Variants in DCC observed in about 807,000 individuals in gnomAD.
The protein encoded by DCC is DCC netrin 1 receptor.
In DCC, 58 loss-of-function variants were observed where a neutral mutation model predicts 172.5. The ratio of observed to expected loss-of-function variants is 0.34; its 90% CI spans 0.27 to 0.42. DCC has a LOEUF of 0.42. Among genes scored for constraint, DCC ranks in the 10% least tolerant of loss-of-function variants. The pLI is 1.00. For synonymous variants in DCC, 709 were observed against 644.5 expected, an observed-to-expected ratio of 1.10 and a Z score of -1.52; for missense variants, 1,740 against 1,791.0, an observed-to-expected ratio of 0.97 and a Z score of 0.51.
rs74754183 is a variant in DCC at position 52,432,455 on chromosome 18, T to A, written c.91+91577T>A. ...AGGAATGTCCCTCCTGCTTCTCACA[T>A]CTAATTTTTGCCTAAGCACCCTCTG... On this transcript the variant is annotated intron_variant, in intron 1 of 28. Coordinates refer to ENST00000442544, the MANE Select transcript of DCC (RefSeq NM_005215.4). 6.1e-4 allele frequency among the ~76,000 whole-genome samples: 93 copies of A among 152,298 alleles called. 3 individuals are homozygous for A. The East Asian group carries it at 0.016, about 27-fold the overall frequency.
intron 10 of DCC, among the ~76,000 whole-genome samples, chr18:53,207,112 A>G (rs2055664454): frequency 6.6e-6 from 1 of 152,168 alleles, no homozygotes; most frequent in Admixed American, 6.6e-5. Context: ...AACCATCATC[A>G]TCCAAGATAG....
Position 53,471,790 on chromosome 18 carries a change from T to C in DCC, c.3736+3780T>C, listed in dbSNP as rs138919532. Among the ~76,000 whole-genome samples the C allele has an allele frequency of 2.0e-5, 3 of 152,288 alleles. No individual in the cohort carries two copies. The East Asian group carries it at 5.8e-4, about 29-fold the overall frequency. On this transcript the variant is annotated intron_variant, in intron 25 of 28. Transcript: ENST00000442544. ...TTCAACTACCACCTTTATAAGCAGG[T>C]CTTCCCTGACCATTGCCTAACACAG...
intron 2 of DCC, among the ~76,000 whole-genome samples, chr18:52,880,328 A>G (rs1447391522): frequency 3.3e-5 from 5 of 152,072 alleles, no homozygotes; most frequent in Admixed American, 2.6e-4. Flanking sequence ...GTGTATTTTT[A>G]GTAGAGATGT....
chr18:52,567,680 A>G (rs2033191200), intron 1 of DCC, among the ~76,000 whole-genome samples: 1 of 152,152 alleles, frequency 6.6e-6, no homozygotes, highest in Non-Finnish European at 1.5e-5. Flanking sequence ...TGAAAGGAGG[A>G]TGAGTGATGA....
intron 1 of DCC, among the ~76,000 whole-genome samples, chr18:52,727,700 CTT>C (rs1263424741): frequency 2.0e-5 from 3 of 151,998 alleles, no homozygotes; most frequent in Non-Finnish European, 4.4e-5. Context: ...GAAATTGTGA[CTT>C]TTCATGAAGT....
At chr18:52,550,855 CTG>C (rs1283555738) in intron 1 of DCC, among the ~76,000 whole-genome samples, 4 of 151,650 alleles carry the variant, frequency 2.6e-5, no homozygotes, top group Non-Finnish European at 5.9e-5. Context: ...TATGGGAACT[CTG>C]TACGATCTTC....
chr18:52,904,528 T>C (rs922688482), intron 2 of DCC, among the ~76,000 whole-genome samples: 2 of 152,198 alleles, frequency 1.3e-5, no homozygotes. Flanking sequence ...TGTATCAGGT[T>C]GTGGGGAAAA....
chr18:52,988,555 A>G (rs2041331938), intron 5 of DCC, among the ~76,000 whole-genome samples: 2 of 152,148 alleles, frequency 1.3e-5, no homozygotes, highest in South Asian at 4.1e-4. Context: ...ATTCTGTTAT[A>G]AAATCTATAA....
intron 19 of DCC, among the ~76,000 whole-genome samples, 181 bp downstream of exon 19, chr18:53,403,074 GCACACACACACACACACACACACACA>G (rs3059148): frequency 6.9e-6 from 1 of 145,804 alleles, no homozygotes; most frequent in Admixed American, 6.9e-5. Flanking sequence ...TTCTAATGGT[GCACACACACACACACACACACACACA>G]CACACACACA....
chr18:53,228,157 A>C (rs1306032347), intron 12 of DCC, among the ~76,000 whole-genome samples: 3 of 152,150 alleles, frequency 2.0e-5, no homozygotes, highest in Admixed American at 6.6e-5. Flanking sequence ...TATACTTCAA[A>C]GAAAGGAAAA....
intron 12 of DCC, among the ~76,000 whole-genome samples, chr18:53,229,261 T>C (rs1294266156): frequency 6.6e-6 from 1 of 152,124 alleles, no homozygotes; most frequent in Non-Finnish European, 1.5e-5. Context: ...AAAACACAGA[T>C]TGGTCTCCTT....
rs557511638 is a variant in DCC, at chr18:53,355,587, A to G, written c.2359+15680A>G. ...TTGGTTCTCTGTCTGTTATTAGTGTATAAGAATGCTCGCGATTTTTGCACG... is the reference window on the plus strand; with the variant it reads ...TTGGTTCTCTGTCTGTTATTAGTGTGTAAGAATGCTCGCGATTTTTGCACG... On this transcript the variant is annotated intron_variant, in intron 15 of 28. Transcript: ENST00000442544. Among the ~76,000 whole-genome samples the G allele has an allele frequency of 1.7e-4, 26 of 152,240 alleles. No homozygotes were observed. In the South Asian group the frequency reaches 4.4e-3, roughly 26 times the overall value.
At chr18:52,629,882 G>A (rs1009112054) in intron 1 of DCC, among the ~76,000 whole-genome samples, 2 of 149,760 alleles carry the variant, frequency 1.3e-5, no homozygotes, top group Admixed American at 6.7e-5. Context: ...ACCGGGAGGC[G>A]GAGCTTGCAG....
intron 12 of DCC, among the ~76,000 whole-genome samples, chr18:53,272,824 C>A (rs1260681042): frequency 1.3e-5 from 2 of 152,002 alleles, no homozygotes; most frequent in African/African-American, 2.4e-5. Flanking sequence ...TTGTGTTATC[C>A]TTTGATTGTT....
intron 1 of DCC, among the ~76,000 whole-genome samples, chr18:52,615,728 GTTC>G (rs1407876241): frequency 2.0e-5 from 3 of 152,106 alleles, no homozygotes; most frequent in African/African-American, 7.2e-5. Flanking sequence ...TTAAAGACAA[GTTC>G]TTCTGATGAT....
chr18:52,921,685 A>G lies in DCC; in HGVS notation c.698-2022A>G, dbSNP rs1175980162. The stretch of plus-strand genomic sequence containing the variant: ...CTGCACTCCAGCCTGGGTGACAGAG[A>G]GGCTCCATCTCAAAAATAAAAATAA... On this transcript the variant is annotated intron_variant, in intron 3 of 28. Coordinates refer to ENST00000442544, the MANE Select transcript of DCC (RefSeq NM_005215.4). Among the ~76,000 whole-genome samples the G allele has an allele frequency of 2.1e-5, 3 of 145,050 alleles. No homozygotes were observed. The East Asian group carries it at 6.1e-4, about 30-fold the overall frequency.
chr18:52,832,775 G>A (rs569992945), intron 2 of DCC, among the ~76,000 whole-genome samples: 1 of 152,238 alleles, frequency 6.6e-6, no homozygotes, highest in South Asian at 2.1e-4. Context: ...ACAGAATGTA[G>A]CTATGGACCA....
chr18:52,717,890 T>C (rs2036411458), intron 1 of DCC, among the ~76,000 whole-genome samples: 1 of 152,222 alleles, frequency 6.6e-6, no homozygotes, highest in Non-Finnish European at 1.5e-5. Context: ...CACTGAAAGA[T>C]ACATTTAAAA....
intron 3 of DCC, among the ~76,000 whole-genome samples, chr18:52,906,855 GT>G (rs11311518): frequency 0.87 from 131,816 of 151,356 alleles, 57,715 homozygotes; most frequent in Middle Eastern, 0.96. Flanking sequence ...TTACAGGGCT[GT>G]TTTTTTTTAC....
Sources: allele counts gnomAD v4.1 joint callset (sites outside exome capture counted in the v4.1 genomes callset), GRCh38; gene constraint gnomAD v4.1.1; transcripts MANE v1.5; gene names NCBI Gene and HGNC (gene_info 2026-07-23, HGNC 2026-07-21).